Variants in DSG1 observed in about 807,000 individuals in gnomAD.
DSG1 encodes desmoglein 1.
DSG1 carries 39 observed loss-of-function variants against 97.5 expected under a neutral mutation model. The ratio of observed to expected loss-of-function variants is 0.40; its 90% CI spans 0.31 to 0.52. The LOEUF (loss-of-function observed/expected upper bound fraction) is 0.52, where lower values mean the gene tolerates loss of function less well. Ranked by LOEUF, DSG1 falls within the 20% of genes least tolerant of loss-of-function variation. DSG1 has a pLI of 0.53. For missense variants in DSG1, 1,311 were observed against 1,295.4 expected (o/e 1.01, Z -0.18); for synonymous variants, 475 against 443.4 (o/e 1.07, Z -0.90).
intron 11 of DSG1, 149 bp from the exon 12 acceptor site, chr18:31,343,301 A>G (rs1006185674): frequency 2.7e-6 from 3 of 1,111,166 alleles, no homozygotes; most frequent in Non-Finnish European, 4.1e-6. Flanking sequence ...GGGTCTGACC[A>G]TCATTCAGCT....
At chr18:31,346,401 C>G (rs1405532449) in intron 14 of DSG1, among the ~76,000 whole-genome samples, 1 of 152,212 alleles carries the variant, frequency 6.6e-6, no homozygotes, top group Non-Finnish European at 1.5e-5. Flanking sequence ...AACGTAAGAA[C>G]AGCCAATGGC....
intron 13 of DSG1, among the ~76,000 whole-genome samples, chr18:31,344,344 C>T (rs2071813843): frequency 6.6e-6 from 1 of 152,142 alleles, no homozygotes; most frequent in African/African-American, 2.4e-5. Flanking sequence ...ACACATATTT[C>T]ATACACATAT....
intron 1 of DSG1, among the ~76,000 whole-genome samples, chr18:31,324,039 A>T (rs1169082253): frequency 8.3e-6 from 1 of 120,034 alleles, no homozygotes; most frequent in Non-Finnish European, 1.6e-5. Context: ...CCAGGAGTGC[A>T]GTGGTGCAAT....
In DSG1 at chr18:31,339,811, G is replaced by T. The variant is rs1182294933; in HGVS notation, c.1473G>T (p.Arg491Ser). The T allele has an allele frequency of 2.5e-6, 4 of 1,613,440 alleles. No individual in the cohort carries two copies. The Admixed American group carries it at 6.7e-5, about 27-fold the overall frequency. Residue 491 changes from arginine (R) to serine (S), a missense_variant, in exon 11 of 15, where the codon AGG becomes AGT. By Grantham distance (110) the Arg-to-Ser change is moderately radical. This residue lies in a region of DSG1 where 1,038 missense variants were observed against 964.6 expected (regional missense o/e 1.08). Coordinates refer to ENST00000257192, the MANE Select transcript of DSG1 (RefSeq NM_001942.4). The part of the protein sequence containing the change: ...INIQSFGNDD[R>S]TNTEPNTKIT... ...TTCAAAGTTTTGGTAATGACGACAG[G>T]ACTAATACAGAGCCGAACACTAAAA...
At chr18:31,331,477 A>G (rs2071720490) in intron 5 of DSG1, among the ~76,000 whole-genome samples, 1 of 152,098 alleles carries the variant, frequency 6.6e-6, no homozygotes, top group African/African-American at 2.4e-5. Flanking sequence ...TTTGTTTCCC[A>G]GTTATCAACA....
chr18:31,350,552 C>A (rs1470903310), intron 14 of DSG1, among the ~76,000 whole-genome samples: 1 of 149,594 alleles, frequency 6.7e-6, no homozygotes, highest in Non-Finnish European at 1.5e-5. Context: ...GGTACCAGTT[C>A]CTCCTTGTAC....
At chr18:31,321,021 C>T (rs183669305) in intron 1 of DSG1, among the ~76,000 whole-genome samples, 1 of 152,112 alleles carries the variant, frequency 6.6e-6, no homozygotes, top group African/African-American at 2.4e-5. Flanking sequence ...TATCTATGAC[C>T]ATGAATGATC....
rs2071755673 is a variant in DSG1, at chr18:31,336,597, C to T, written c.1249C>T (p.Pro417Ser). Residue 417 changes from proline to serine, a missense_variant, in exon 9 of 15, where the codon CCT (proline) becomes TCT (serine). By Grantham distance (74) the Pro-to-Ser change is moderately conservative. Around this residue, in one of 3 missense-constraint regions of DSG1, gnomAD observed 1,038 missense variants for 964.6 expected, o/e 1.08. Transcript: ENST00000257192. ...AGCTACTGACCTGGACACAGGTAGA[C>T]CTTCAACGACTGTTAGGTAAGAATG... ...FVATDLDTGR[P>S]STTVRYVMGN... 2 of 1,613,848 alleles carry T rather than the reference C, an allele frequency of 1.2e-6. No individual in the cohort carries two copies. Among genetic ancestry groups the T allele is most frequent in the African/African-American group, 2.7e-5 (2 of 74,888 alleles).
chr18:31,352,575 G>A lies in DSG1; in HGVS notation c.2101-1722G>A, dbSNP rs945428657. ...TATCCTACAGAGTGTTTTCCAACTT[G>A]GTTCCATTCTCCCCATCACTTTTAG... On this transcript the variant is annotated intron_variant, in intron 14 of 14. Coordinates refer to ENST00000257192, the MANE Select transcript of DSG1 (RefSeq NM_001942.4). Among the ~76,000 whole-genome samples, 2 of 149,936 alleles carry A rather than the reference G, an allele frequency of 1.3e-5. 1 individual carries two copies. Among genetic ancestry groups the A allele is most frequent in the African/African-American group, 5.1e-5 (2 of 39,364 alleles).
At chr18:31,322,209 T>A (rs2071658315) in intron 1 of DSG1, among the ~76,000 whole-genome samples, 1 of 152,258 alleles carries the variant, frequency 6.6e-6, no homozygotes, top group Admixed American at 6.5e-5. Context: ...AGGTTCTGTG[T>A]CTGATTTGCC....
Position 31,354,567 on chromosome 18 carries a change from C to T in DSG1, c.2371C>T (p.Pro791Ser). 6.2e-7 allele frequency: 1 copy of T among 1,614,164 alleles called. No homozygotes were observed. Among genetic ancestry groups the T allele is most frequent in the Non-Finnish European group, 8.5e-7 (1 of 1,180,038 alleles). Residue 791 changes from proline (P) to serine (S), a missense_variant, in exon 15 of 15, where the codon CCC becomes TCC. Pro to Ser is a moderately conservative substitution (Grantham distance 74). Around this residue, in one of 3 missense-constraint regions of DSG1, gnomAD observed 1,038 missense variants for 964.6 expected, o/e 1.08. Transcript: ENST00000257192. ...AGTTTGCCTTCCTCAGGAAACAGAG[C>T]CCGTTGTTAGTGGACACCCACCAAT... Reference protein sequence around the residue: ...EPVCLPQETEPVVSGHPPISP... With the variant: ...EPVCLPQETESVVSGHPPISP...
chr18:31,328,962 A>T (rs1004621496), intron 4 of DSG1, among the ~76,000 whole-genome samples: 2 of 152,090 alleles, frequency 1.3e-5, no homozygotes, highest in African/African-American at 4.8e-5. Flanking sequence ...TCAAACCCTC[A>T]ACCTCATTTC....
rs1199483998 is a variant in DSG1, at chr18:31,336,457, C to G, written c.1109C>G (p.Ser370Cys). The change falls in exon 9 of 15, where the codon TCT (serine) becomes TGT (cysteine). Residue 370 changes from serine to cysteine, a missense_variant. This residue lies in a region of DSG1 where 1,038 missense variants were observed against 964.6 expected (regional missense o/e 1.08). Transcript: ENST00000257192. ...ATGTCTCAATATAAACTGAAAGCAT[C>G]TGCAATTTCTGTGACTGTGTTAAAT... ...SIMSQYKLKASAISVTVLNVI... is the reference protein window; with the variant it reads ...SIMSQYKLKACAISVTVLNVI... The G allele has an allele frequency of 3.7e-6, 6 of 1,613,818 alleles. No individual in the cohort carries two copies. Among genetic ancestry groups the G allele is most frequent in the Non-Finnish European group, 5.1e-6 (6 of 1,179,936 alleles).
chr18:31,330,148 G>T, intron 5 of DSG1, 112 bp downstream of exon 5: 2 of 1,327,368 alleles, frequency 1.5e-6, no homozygotes, highest in Non-Finnish European at 2.1e-6. Flanking sequence ...TAGAAAAGAT[G>T]CAGAATAGCA....
rs2071804767 is a variant in DSG1, at chr18:31,343,537, G to C, written c.1775G>C (p.Gly592Ala). 6.2e-7 allele frequency: 1 copy of C among 1,614,102 alleles called. No individual in the cohort carries two copies. The highest frequency in any genetic ancestry group is 8.5e-7 in the Non-Finnish European group (1 of 1,180,024). ...GFEPVPECSDGAIHSWAVEGP... is the reference protein window; with the variant it reads ...GFEPVPECSDAAIHSWAVEGP... ...GAGCCTGTTCCCGAATGTTCAGATG[G>C]AGCAATTCATTCATGGGCAGTAGAA... is the stretch of plus-strand genomic sequence containing the variant. The change falls in exon 12 of 15, where the codon GGA (glycine) becomes GCA (alanine). Residue 592 changes from glycine (G) to alanine (A), a missense_variant. By Grantham distance (60) the Gly-to-Ala change is moderately conservative. Transcript: ENST00000257192.
In DSG1 at chr18:31,318,196, T is replaced by G; in HGVS notation, c.-105T>G. On this transcript the variant is annotated 5_prime_UTR_variant, in exon 1 of 15. Transcript: ENST00000257192. ...AAAGCCTGCATGTAAGAACATCTAC[T>G]GAGAAATTATTTTAATCAGACACCA... 1 of 1,021,768 alleles carries G rather than the reference T, an allele frequency of 9.8e-7. No individual in the cohort carries two copies. The highest frequency in any genetic ancestry group is 1.6e-6 in the Non-Finnish European group (1 of 642,166). 63.3% of individuals were successfully genotyped at this position (1,021,768 alleles called of 1,614,324 possible).
chr18:31,336,311 T>C, intron 8 of DSG1, 43 bp from the exon 9 acceptor site: 4 of 1,576,080 alleles, frequency 2.5e-6, no homozygotes, highest in Non-Finnish European at 3.5e-6. Context: ...CCTGGAACGT[T>C]TTATTTTCTT....
intron 14 of DSG1, 52 bp from the exon 15 acceptor site, chr18:31,354,245 A>C (rs1041641195): frequency 1.4e-5 from 21 of 1,490,056 alleles, no homozygotes; most frequent in Non-Finnish European, 1.9e-5. Context: ...CTGTTCTATT[A>C]TTGTTAAATA....
At chr18:31,330,087 T>A (rs1297266993) in intron 5 of DSG1, 51 bp downstream of exon 5, 2 of 1,596,396 alleles carry the variant, frequency 1.3e-6, no homozygotes, top group Non-Finnish European at 1.7e-6. Flanking sequence ...GGCACCTAAC[T>A]GGAGACTAAA....
Sources: allele counts gnomAD v4.1 joint callset (sites outside exome capture counted in the v4.1 genomes callset), GRCh38; gene constraint gnomAD v4.1.1; regional missense constraint gnomAD v4.1.1; transcripts MANE v1.5; gene names NCBI Gene and HGNC (gene_info 2026-07-23, HGNC 2026-07-21).